The following TNFRSF21 variants were observed in gnomAD, a reference collection of about 807,000 sequenced individuals.
The protein encoded by TNFRSF21 is tumor necrosis factor receptor superfamily member 21.
A neutral mutation model predicts 45.6 loss-of-function variants in TNFRSF21; 19 were observed. The ratio of observed to expected loss-of-function variants is 0.42; its 90% CI spans 0.29 to 0.61. The LOEUF (loss-of-function observed/expected upper bound fraction) is 0.61, where lower values mean the gene tolerates loss of function less well. Among genes scored for constraint, TNFRSF21 ranks in the 20% least tolerant of loss-of-function variants. The pLI, the probability that TNFRSF21 is intolerant of heterozygous loss-of-function variation, is 0.23. For synonymous variants in TNFRSF21, 314 were observed against 335.5 expected (o/e 0.94, Z 0.70); for missense variants, 737 against 851.5 (o/e 0.87, Z 1.67).
intron 1 of TNFRSF21, among the ~76,000 whole-genome samples, chr6:47,294,236 T>C (rs568594670): frequency 1.3e-5 from 2 of 152,226 alleles, no homozygotes; most frequent in East Asian, 3.9e-4. Context: ...CTCCGCCTCC[T>C]GGGTTCAAGC....
At chr6:47,264,079 C>T (rs192024738) in intron 3 of TNFRSF21, among the ~76,000 whole-genome samples, 1 of 152,240 alleles carries the variant, frequency 6.6e-6, no homozygotes, top group East Asian at 1.9e-4. Context: ...TAATACCTGA[C>T]CAGGTTGACT....
chr6:47,273,349 G>C (rs542257430), intron 3 of TNFRSF21, among the ~76,000 whole-genome samples: 6 of 152,274 alleles, frequency 3.9e-5, no homozygotes, highest in Admixed American at 3.3e-4. Context: ...GGGATGCAAG[G>C]CTGGTTCAAC....
At chr6:47,283,871 G>C in intron 3 of TNFRSF21, 67 bp downstream of exon 3, 1 of 1,547,202 alleles carries the variant, frequency 6.5e-7, no homozygotes, top group East Asian at 2.3e-5. Flanking sequence ...CATTCCTTCA[G>C]AAAACAGGGA....
At chr6:47,307,934 C>T (rs1762962709) in intron 1 of TNFRSF21, among the ~76,000 whole-genome samples, 2 of 152,158 alleles carry the variant, frequency 1.3e-5, no homozygotes, top group Non-Finnish European at 2.9e-5. Context: ...ATAGTTCTCA[C>T]TCCACTGAAC....
At chr6:47,252,466 T>A (rs75508995) in intron 4 of TNFRSF21, among the ~76,000 whole-genome samples, 1 of 152,238 alleles carries the variant, frequency 6.6e-6, no homozygotes, top group Non-Finnish European at 1.5e-5. Context: ...AAAGAAAGGC[T>A]AAGTAAAATG....
intron 3 of TNFRSF21, among the ~76,000 whole-genome samples, chr6:47,272,717 G>A (rs889570135): frequency 5.3e-5 from 8 of 152,174 alleles, no homozygotes; most frequent in Admixed American, 2.0e-4. Context: ...AAAAATCAAT[G>A]AATCCAGGAG....
intron 1 of TNFRSF21, among the ~76,000 whole-genome samples, chr6:47,298,898 C>A (rs968396223): frequency 3.9e-5 from 6 of 152,180 alleles, no homozygotes; most frequent in African/African-American, 1.2e-4. Flanking sequence ...AGGACAGCTG[C>A]CAGAAATGGT....
At position 47,245,454 on chromosome 6, in the gene TNFRSF21, GTGTT is replaced by G. The variant is rs1309956581; in HGVS notation, c.1509+7798_1509+7801del. Among the ~76,000 whole-genome samples, 852 of 121,166 alleles carry G rather than the reference GTGTT, an allele frequency of 7.0e-3. 8 individuals carry two copies. Among genetic ancestry groups the G allele is most frequent in the African/African-American group, 0.032 (788 of 24,266 alleles). The allele number at this position is 121,166 out of a possible 152,430, so 79.5% of individuals were successfully genotyped here. On this transcript the variant is annotated intron_variant, in intron 4 of 5. Transcript: ENST00000296861. ...TGTGTGTGTGTGTGTGTGTGTGTGT[GTGTT>G]TGTGTGTGTGTGTGTGTGTGTTGGG...
chr6:47,238,802 G>T (rs1268540721), intron 4 of TNFRSF21, among the ~76,000 whole-genome samples: 1 of 152,138 alleles, frequency 6.6e-6, no homozygotes, highest in Non-Finnish European at 1.5e-5. Flanking sequence ...ACATCTCTGG[G>T]CTACTGAGTT....
In TNFRSF21 at chr6:47,234,842, G is replaced by C. The variant is rs770787222; in HGVS notation, c.1566C>G (p.Pro522=). The stretch of plus-strand genomic sequence containing the variant: ...CAAGTTTCGCGTTGGGGCTGGGGAT[G>C]GGGCTCGGGCTAAGCGGGCTGGGGC... ...PMSPSPLSPS[P]IPSPNAKLEN... Residue 522 remains proline, a synonymous_variant, in exon 5 of 6, where the codon CCC becomes CCG. Transcript: ENST00000296861. 5 of 1,525,042 alleles carry C rather than the reference G, an allele frequency of 3.3e-6. No homozygotes were observed. The South Asian group carries it at 6.4e-5, about 19-fold the overall frequency. The allele number at this position is 1,525,042 out of a possible 1,614,324, so 94.5% of individuals were successfully genotyped here.
chr6:47,268,052 C>T (rs1310541415), intron 3 of TNFRSF21, among the ~76,000 whole-genome samples: 1 of 152,240 alleles, frequency 6.6e-6, no homozygotes, highest in Non-Finnish European at 1.5e-5. Flanking sequence ...CTCCACTCCT[C>T]CTTCTCCAAA....
At chr6:47,302,137 C>T (rs1366364025) in intron 1 of TNFRSF21, among the ~76,000 whole-genome samples, 1 of 152,194 alleles carries the variant, frequency 6.6e-6, no homozygotes, top group African/African-American at 2.4e-5. Context: ...GTCTCTACAA[C>T]CTACGAAGCG....
At chr6:47,266,729 C>A (rs1762336901) in intron 3 of TNFRSF21, among the ~76,000 whole-genome samples, 1 of 152,068 alleles carries the variant, frequency 6.6e-6, no homozygotes, top group African/African-American at 2.4e-5. Flanking sequence ...TTTTCAACTG[C>A]AAGTTTCAGT....
At chr6:47,290,710 A>C (rs2113866428) in intron 1 of TNFRSF21, among the ~76,000 whole-genome samples, 1 of 152,320 alleles carries the variant, frequency 6.6e-6, no homozygotes, top group South Asian at 2.1e-4. Flanking sequence ...ATACAACAAG[A>C]GACAATTCCA....
chr6:47,292,552 T>G (rs1261378869), intron 1 of TNFRSF21, among the ~76,000 whole-genome samples: 1 of 152,224 alleles, frequency 6.6e-6, no homozygotes, highest in African/African-American at 2.4e-5. Context: ...CTTCTCTGAT[T>G]CTGAGACACA....
At chr6:47,300,035 G>A (rs1305229678) in intron 1 of TNFRSF21, among the ~76,000 whole-genome samples, 1 of 152,226 alleles carries the variant, frequency 6.6e-6, no homozygotes, top group Non-Finnish European at 1.5e-5. Flanking sequence ...AACTTCATTA[G>A]TGCTGCTTGC....
chr6:47,267,221 C>A (rs893262215), intron 3 of TNFRSF21, among the ~76,000 whole-genome samples: 3 of 151,910 alleles, frequency 2.0e-5, no homozygotes, highest in African/African-American at 7.3e-5. Flanking sequence ...GCCTCAGCCT[C>A]CTGAGTAGCT....
rs772308621 is a variant in TNFRSF21 at position 47,234,873 on chromosome 6, G to C, written c.1535C>G (p.Pro512Arg). The C allele has an allele frequency of 2.8e-6, 4 of 1,406,554 alleles. No homozygotes were observed. In the South Asian group the frequency reaches 5.0e-5, roughly 18 times the overall value. The allele number at this position is 1,406,554 out of a possible 1,614,324, so 87.1% of individuals were successfully genotyped here. A position where few individuals can be genotyped will look rare whatever the true frequency, so the allele number is the denominator to read the frequency against. The change falls in exon 5 of 6, where the codon CCG becomes CGG. Residue 512 changes from proline (P) to arginine (R), a missense_variant. Transcript: ENST00000296861. ...TQLETDKLAL[P>R]MSPSPLSPSP... The stretch of plus-strand genomic sequence containing the variant: ...CGGGCTAAGCGGGCTGGGGCTCATC[G>C]GGAGAGCTAGTTTGTCAGTTTCCAG...
At chr6:47,247,177 C>T (rs767351328) in intron 4 of TNFRSF21, among the ~76,000 whole-genome samples, 2 of 152,144 alleles carry the variant, frequency 1.3e-5, no homozygotes, top group South Asian at 2.1e-4. Flanking sequence ...CTCCTTTGTG[C>T]GCAATGACAA....
Sources: gnomAD v4.1 joint callset for allele counts (sites outside exome capture counted in the v4.1 genomes callset) on GRCh38, gnomAD v4.1.1 for gene constraint, MANE v1.5 for transcripts, NCBI Gene and HGNC (gene_info 2026-07-23, HGNC 2026-07-21) for gene names.